RAPGEFL1: variants seen among roughly 807,000 people sequenced by gnomAD.
RAPGEFL1 encodes the protein rap guanine nucleotide exchange factor-like 1.
Under a neutral mutation model 64.4 loss-of-function variants are expected in RAPGEFL1, and 31 were observed. That is an observed-to-expected ratio of 0.48 (90% CI 0.36 to 0.65). The LOEUF (loss-of-function observed/expected upper bound fraction) is 0.65, where lower values mean the gene tolerates loss of function less well. Ranked by LOEUF, RAPGEFL1 falls within the 30% of genes least tolerant of loss-of-function variation. The probability of loss-of-function intolerance (pLI) is 0.00; values close to 1 mark genes in which losing one functional copy is unlikely to be tolerated. For synonymous variants in RAPGEFL1, 331 were observed against 274.1 expected (o/e 1.21, Z -2.05); for missense variants, 682 against 677.4 (o/e 1.01, Z -0.08).
intron 2 of RAPGEFL1, among the ~76,000 whole-genome samples, chr17:40,183,668 C>T (rs9896694): frequency 0.19 from 28,767 of 149,208 alleles, 2,809 homozygotes; most frequent in Middle Eastern, 0.29. Context: ...TACAGGTGTA[C>T]GCCACCACTC....
rs995207992 is a variant in RAPGEFL1 at position 40,177,800 on chromosome 17, C to T, written c.-62C>T. ...TGAGCATCGTGTCTTCGCCGCCCCC[C>T]CCGCCCGCGCCTGGGATACCTGGGT... On this transcript the variant is annotated 5_prime_UTR_variant, in exon 1 of 15. Transcript: ENST00000620260. 45 of 410,522 alleles carry T rather than the reference C, an allele frequency of 1.1e-4. No individual in the cohort carries two copies. The highest frequency in any genetic ancestry group is 1.6e-4 in the Non-Finnish European group (37 of 232,678). 25.4% of individuals were successfully genotyped at this position (410,522 alleles called of 1,614,324 possible). A position where few individuals can be genotyped will look rare whatever the true frequency, so the allele number is the denominator to read the frequency against.
In RAPGEFL1 at chr17:40,178,078, G is replaced by T. The variant is rs1183285830; in HGVS notation, c.217G>T (p.Ala73Ser). The T allele has an allele frequency of 1.7e-6, 1 of 604,000 alleles. No homozygotes were observed. The highest frequency in any genetic ancestry group is 2.9e-6 in the Non-Finnish European group (1 of 341,604). 37.4% of individuals were successfully genotyped at this position (604,000 alleles called of 1,614,324 possible). A position where few individuals can be genotyped will look rare whatever the true frequency, so the allele number is the denominator to read the frequency against. The change falls in exon 1 of 15, where the codon GCC (alanine) becomes TCC (serine). Residue 73 changes from alanine to serine, a missense_variant. Ala to Ser is a moderately conservative substitution (Grantham distance 99). Around this residue, in one of 2 missense-constraint regions of RAPGEFL1, gnomAD observed 271 missense variants for 158.0 expected, o/e 1.72. Transcript: ENST00000620260. ...LLPAFLREPP[A>S]EPGLEPPPEE... ...CCCCGCTTTCCTCCGGGAGCCCCCC[G>T]CCGAGCCGGGGCTGGAGCCGCCCCC... is the stretch of plus-strand genomic sequence containing the variant.
At chr17:40,179,641 A>G (rs570613531) in intron 1 of RAPGEFL1, among the ~76,000 whole-genome samples, 2 of 152,192 alleles carry the variant, frequency 1.3e-5, no homozygotes, top group African/African-American at 2.4e-5. Flanking sequence ...CAAGGCCCCA[A>G]ATCTGGTTAG....
At chr17:40,192,846 C>T (rs1371274421) in intron 12 of RAPGEFL1, 80 bp from the exon 13 acceptor site, 3 of 1,377,462 alleles carry the variant, frequency 2.2e-6, no homozygotes, top group Non-Finnish European at 3.1e-6. Flanking sequence ...TGGGGAAGAG[C>T]GGGGTCCTCG....
chr17:40,186,867 C>T (rs1051310712), intron 4 of RAPGEFL1, among the ~76,000 whole-genome samples: 2 of 146,452 alleles, frequency 1.4e-5, no homozygotes, highest in African/African-American at 2.5e-5. Flanking sequence ...GCACGCCAGC[C>T]TGACAACAGA....
At chr17:40,192,788 T>G in intron 12 of RAPGEFL1, 95 bp downstream of exon 12, 1 of 1,399,452 alleles carries the variant, frequency 7.1e-7, no homozygotes, top group Non-Finnish European at 1.0e-6. Flanking sequence ...GACTCAGCCC[T>G]GAGTACCCAC....
chr17:40,177,939 G>A lies in RAPGEFL1; in HGVS notation c.78G>A (p.Gly26=), dbSNP rs894602248. 4.7e-6 allele frequency: 2 copies of A among 429,590 alleles called. No individual in the cohort carries two copies. Among genetic ancestry groups the A allele is most frequent in the Non-Finnish European group, 8.3e-6 (2 of 241,688 alleles). The allele number at this position is 429,590 out of a possible 1,614,324, so 26.6% of individuals were successfully genotyped here. Residue 26 remains glycine, a synonymous_variant, in exon 1 of 15, where the codon GGG becomes GGA. Transcript: ENST00000620260. The part of the protein sequence containing the change: ...AGRTVAGGPG[G]GLGSCGGPGG... Reference sequence around the variant, plus strand: ...GAACGGTGGCGGGAGGTCCCGGCGGGGGTCTGGGGAGCTGCGGTGGGCCTG... The same window carrying A: ...GAACGGTGGCGGGAGGTCCCGGCGGAGGTCTGGGGAGCTGCGGTGGGCCTG...
chr17:40,189,489 C>A, intron 6 of RAPGEFL1, 114 bp downstream of exon 6: 1 of 1,196,012 alleles, frequency 8.4e-7, no homozygotes, highest in Non-Finnish European at 1.2e-6. Context: ...AAGTATGGTC[C>A]CGGGACAAGC....
intron 2 of RAPGEFL1, among the ~76,000 whole-genome samples, chr17:40,182,396 C>G (rs1030342328): frequency 5.3e-5 from 8 of 151,690 alleles, no homozygotes; most frequent in Non-Finnish European, 1.0e-4. Flanking sequence ...ACTGCAGCCT[C>G]TGCCTCCTGG....
intron 2 of RAPGEFL1, 23 bp from the exon 3 acceptor site, chr17:40,184,191 A>AT (rs773098242): frequency 6.4e-7 from 1 of 1,554,722 alleles, no homozygotes; most frequent in Non-Finnish European, 8.9e-7. Context: ...TTGCGTAGGG[A>AT]TTTTTCTTAA....
At chr17:40,185,947 G>C (rs1210196106) in intron 4 of RAPGEFL1, among the ~76,000 whole-genome samples, 1 of 150,936 alleles carries the variant, frequency 6.6e-6, no homozygotes, top group Non-Finnish European at 1.5e-5. Context: ...CTGGGTGACA[G>C]AGCGAGACTC....
rs193023773 is a variant in RAPGEFL1, at chr17:40,190,068, T to C, written c.1115-366T>C. ...TGATCCTTTAACCTCCCTGTGTATG[T>C]AAGGATGCCACATTTCACAGGCTAA... On this transcript the variant is annotated intron_variant, in intron 6 of 14. Transcript: ENST00000620260. 5.3e-5 allele frequency among the ~76,000 whole-genome samples: 8 copies of C among 152,154 alleles called. No individual in the cohort carries two copies. The East Asian group carries it at 1.5e-3, about 29-fold the overall frequency.
chr17:40,181,550 A>G, intron 1 of RAPGEFL1, 66 bp from the exon 2 acceptor site: 1 of 697,552 alleles, frequency 1.4e-6, no homozygotes, highest in Non-Finnish European at 2.6e-6. Flanking sequence ...AGAGGGAGGC[A>G]CTGCATTTCC....
Position 40,194,232 on chromosome 17 carries a change from CGTGTGTGT to C in RAPGEFL1, c.*495_*502del, listed in dbSNP as rs56205991. Reference sequence around the variant, plus strand: ...GGGACCCCCAGGAATATTATGTTGCCGTGTGTGTGTGTGTGTGTGTGTGTGTGTGTGTG... The same window carrying C: ...GGGACCCCCAGGAATATTATGTTGCCGTGTGTGTGTGTGTGTGTGTGTGTG... On this transcript the variant is annotated 3_prime_UTR_variant, in exon 15 of 15. Coordinates refer to ENST00000620260, the MANE Select transcript of RAPGEFL1 (RefSeq NM_016339.6). The C allele has an allele frequency of 0.064, 8,048 of 124,960 alleles. 386 individuals are homozygous for C. Among genetic ancestry groups the C allele is most frequent in the East Asian group, 0.12 (504 of 4,344 alleles). 7.7% of individuals were successfully genotyped at this position (124,960 alleles called of 1,614,324 possible). A position where few individuals can be genotyped will look rare whatever the true frequency, so the allele number is the denominator to read the frequency against.
At chr17:40,193,259 G>C in intron 13 of RAPGEFL1, 104 bp from the exon 14 acceptor site, 1 of 1,281,228 alleles carries the variant, frequency 7.8e-7, no homozygotes, top group South Asian at 1.2e-5. Context: ...CAGAATTGGA[G>C]ACTGGAGGGA....
chr17:40,192,733 G>A (rs765195506), intron 12 of RAPGEFL1, 40 bp downstream of exon 12: 16 of 1,568,126 alleles, frequency 1.0e-5, no homozygotes, highest in Non-Finnish European at 1.4e-5. Flanking sequence ...TTCCACCCAT[G>A]CTTCCCTTCT....
At chr17:40,187,777 AT>A (rs1458313284) in intron 4 of RAPGEFL1, among the ~76,000 whole-genome samples, 6 of 151,226 alleles carry the variant, frequency 4.0e-5, no homozygotes, top group Admixed American at 4.0e-4. Flanking sequence ...CGCCCGGCTA[AT>A]TTTTTATATT....
At chr17:40,181,881 A>G (rs1989905292) in intron 2 of RAPGEFL1, among the ~76,000 whole-genome samples, 187 bp downstream of exon 2, 1 of 152,160 alleles carries the variant, frequency 6.6e-6, no homozygotes, top group South Asian at 2.1e-4. Flanking sequence ...CAGGAGATCA[A>G]GACCAGCCAG....
intron 2 of RAPGEFL1, 112 bp from the exon 3 acceptor site, chr17:40,184,102 C>A: frequency 1.2e-6 from 1 of 837,820 alleles, no homozygotes; most frequent in Non-Finnish European, 2.0e-6. Flanking sequence ...CCTCAGCTTC[C>A]CAAACTGCTG....
Sources: gnomAD v4.1 joint callset for allele counts (sites outside exome capture counted in the v4.1 genomes callset) on GRCh38, gnomAD v4.1.1 for gene constraint, gnomAD v4.1.1 regional missense constraint, MANE v1.5 for transcripts, NCBI Gene and HGNC (gene_info 2026-07-23, HGNC 2026-07-21) for gene names.